STK39: variants seen among roughly 807,000 people sequenced by gnomAD.
STK39 encodes serine/threonine kinase 39, also known as STE20/SPS1-related proline-alanine-rich protein kinase.
STK39 carries 20 observed loss-of-function variants against 77.8 expected under a neutral mutation model. That is an observed-to-expected ratio of 0.26 (90% CI 0.18 to 0.37). The LOEUF (loss-of-function observed/expected upper bound fraction) is 0.37. Ranked by LOEUF, STK39 falls within the 10% of genes least tolerant of loss-of-function variation. STK39 has a pLI of 1.00. For missense variants in STK39, 479 were observed against 656.5 expected, an observed-to-expected ratio of 0.73 and a Z score of 2.95; for synonymous variants, 246 against 234.1, an observed-to-expected ratio of 1.05 and a Z score of -0.47.
rs148589632 is a variant in STK39 at position 168,072,890 on chromosome 2, T to C, written c.1242+2092A>G. Among the ~76,000 whole-genome samples the C allele has an allele frequency of 8.7e-3, 1,325 of 152,264 alleles. 21 individuals carry two copies. The highest frequency in any genetic ancestry group is 0.03 in the African/African-American group (1,266 of 41,534). ...AGGAATGGGTGTCAAAAAACTAGCC[T>C]GAGAAGCTGTGCAATAGCAGGTGGG... On this transcript the variant is annotated intron_variant, in intron 12 of 17. Transcript: ENST00000355999.
Position 168,095,622 on chromosome 2 carries a change from TC to T in STK39, c.1090-20392del, listed in dbSNP as rs1378824777. 5.0e-4 allele frequency among the ~76,000 whole-genome samples: 38 copies of T among 76,280 alleles called. No homozygotes were observed. In the East Asian group the frequency reaches 6.2e-3, roughly 12 times the overall value. The allele number at this position is 76,280 out of a possible 152,430, so 50.0% of individuals were successfully genotyped here. On this transcript the variant is annotated intron_variant, in intron 10 of 17. Coordinates refer to ENST00000355999, the MANE Select transcript of STK39 (RefSeq NM_013233.3). ...TCTGCTAGCCACTCGTGTATCTCTT[TC>T]TTTTTTTTTTTTTTTTTTTTTAAGA...
At chr2:168,217,374 G>A (rs1690050091) in intron 1 of STK39, among the ~76,000 whole-genome samples, 1 of 152,184 alleles carries the variant, frequency 6.6e-6, no homozygotes, top group African/African-American at 2.4e-5. Flanking sequence ...ATGCAGGACG[G>A]GGAATACTCT....
intron 14 of STK39, among the ~76,000 whole-genome samples, chr2:168,027,617 C>T (rs113563694): frequency 0.018 from 2,769 of 152,284 alleles, 81 homozygotes; most frequent in African/African-American, 0.062. Flanking sequence ...TACATGCACA[C>T]GTGTGTGCAT....
At chr2:167,977,442 C>T (rs1033978561) in intron 16 of STK39, among the ~76,000 whole-genome samples, 1 of 151,902 alleles carries the variant, frequency 6.6e-6, no homozygotes, top group African/African-American at 2.4e-5. Flanking sequence ...AATTTCTCTT[C>T]AGAATGAGGA....
chr2:168,171,053 G>A (rs976699941), intron 2 of STK39, among the ~76,000 whole-genome samples: 22 of 152,190 alleles, frequency 1.4e-4, no homozygotes, highest in African/African-American at 5.3e-4. Context: ...GAGGAAATGA[G>A]ACTTAGACAT....
intron 1 of STK39, among the ~76,000 whole-genome samples, chr2:168,245,603 G>A (rs1489378113): frequency 6.6e-6 from 1 of 152,222 alleles, no homozygotes; most frequent in African/African-American, 2.4e-5. Flanking sequence ...CTCACAGGAG[G>A]GAAGAGCCTC....
chr2:168,016,009 T>C (rs1287787225), intron 15 of STK39, among the ~76,000 whole-genome samples: 1 of 152,196 alleles, frequency 6.6e-6, no homozygotes, highest in African/African-American at 2.4e-5. Flanking sequence ...CTCAATGCAC[T>C]CTCTGCCTCC....
At chr2:168,018,525 AAAGAAAAGAAAGAAAAGAAAGAAAG>A (rs1341520383) in intron 14 of STK39, among the ~76,000 whole-genome samples, 9 of 96,410 alleles carry the variant, frequency 9.3e-5, no homozygotes, top group African/African-American at 5.8e-4. Context: ...GAAAGAAAAG[AAAGAAAAGAAAGAAAAGAAAGAAAG>A]AAAGAAAGAA....
chr2:168,127,887 G>A (rs965754547), intron 10 of STK39, among the ~76,000 whole-genome samples: 1 of 152,294 alleles, frequency 6.6e-6, no homozygotes, highest in East Asian at 1.9e-4. Flanking sequence ...GAATCATAGG[G>A]AAGATGTGGA....
intron 1 of STK39, among the ~76,000 whole-genome samples, chr2:168,211,541 T>C (rs1448021176): frequency 6.6e-6 from 1 of 152,254 alleles, no homozygotes; most frequent in East Asian, 1.9e-4. Context: ...CAGTGAGTTC[T>C]GGGTAATATT....
intron 10 of STK39, among the ~76,000 whole-genome samples, chr2:168,121,802 A>T (rs185022022): frequency 6.6e-6 from 1 of 152,288 alleles, no homozygotes. Flanking sequence ...TGTGTCAAAC[A>T]CGGCACCAGA....
At chr2:168,048,560 C>G (rs1685310612) in intron 14 of STK39, among the ~76,000 whole-genome samples, 2 of 151,870 alleles carry the variant, frequency 1.3e-5, no homozygotes, top group African/African-American at 2.4e-5. Context: ...GTTCTTGTCT[C>G]TCATGAATAT....
intron 16 of STK39, among the ~76,000 whole-genome samples, chr2:167,977,571 C>T (rs1372511832): frequency 3.6e-5 from 5 of 140,478 alleles, no homozygotes; most frequent in East Asian, 2.0e-4. Context: ...TTACTTGCTT[C>T]GGAAAAAAAA....
chr2:167,983,239 G>C (rs574413393), intron 16 of STK39, among the ~76,000 whole-genome samples: 7 of 152,050 alleles, frequency 4.6e-5, no homozygotes, highest in Non-Finnish European at 8.8e-5. Flanking sequence ...CAGCACTTTG[G>C]GGGGCTGAGG....
intron 1 of STK39, among the ~76,000 whole-genome samples, chr2:168,211,621 A>G (rs190498936): frequency 1.3e-5 from 2 of 152,328 alleles, no homozygotes; most frequent in Admixed American, 6.5e-5. Flanking sequence ...ATTTATTCTT[A>G]TATTTTAATT....
At chr2:168,237,246 G>T (rs1690637852) in intron 1 of STK39, among the ~76,000 whole-genome samples, 1 of 152,126 alleles carries the variant, frequency 6.6e-6, no homozygotes, top group Non-Finnish European at 1.5e-5. Context: ...CTCTCTGTTT[G>T]TCTGTTATTG....
intron 14 of STK39, among the ~76,000 whole-genome samples, chr2:168,060,227 C>A (rs533394626): frequency 6.6e-6 from 1 of 151,098 alleles, no homozygotes; most frequent in Non-Finnish European, 1.5e-5. Flanking sequence ...AAATATTTAG[C>A]GAAAAAAAAA....
intron 14 of STK39, among the ~76,000 whole-genome samples, chr2:168,033,414 G>A (rs909834150): frequency 1.3e-5 from 2 of 152,208 alleles, no homozygotes; most frequent in African/African-American, 2.4e-5. Context: ...CCTGAGCAGT[G>A]AGCCAACAGT....
chr2:168,126,745 C>T (rs1393623040), intron 10 of STK39, among the ~76,000 whole-genome samples: 1 of 152,138 alleles, frequency 6.6e-6, no homozygotes, highest in Non-Finnish European at 1.5e-5. Flanking sequence ...CTGTCCCGGG[C>T]AGAGTATGTC....
Sources: gnomAD v4.1 joint callset for allele counts (sites outside exome capture counted in the v4.1 genomes callset) on GRCh38, gnomAD v4.1.1 for gene constraint, MANE v1.5 for transcripts, NCBI Gene and HGNC (gene_info 2026-07-23, HGNC 2026-07-21) for gene names.